PI4KA: variants seen among roughly 807,000 people sequenced by gnomAD.
PI4KA encodes the protein phosphatidylinositol 4-kinase alpha.
PI4KA carries 122 observed loss-of-function variants against 271.4 expected under a neutral mutation model. The observed-to-expected ratio is 0.45, with a 90% CI of 0.39 to 0.52. PI4KA has a LOEUF of 0.52. PI4KA is among the 20% of genes least tolerant of loss of function. The pLI is 0.00. For missense variants in PI4KA, 1,969 were observed against 2,769.1 expected, an observed-to-expected ratio of 0.71 and a Z score of 6.48; for synonymous variants, 1,041 against 1,078.8, an observed-to-expected ratio of 0.96 and a Z score of 0.69.
chr22:20,848,975 C>T (rs1011334053), intron 1 of PI4KA, among the ~76,000 whole-genome samples: 1 of 152,052 alleles, frequency 6.6e-6, no homozygotes, highest in African/African-American at 2.4e-5. Flanking sequence ...AGAACTATTA[C>T]AACTTAATTA....
At chr22:20,854,428 A>AT (rs907320038) in intron 1 of PI4KA, among the ~76,000 whole-genome samples, 106 of 149,010 alleles carry the variant, frequency 7.1e-4, no homozygotes, top group Middle Eastern at 3.5e-3. Context: ...GCCTAAGGTA[A>AT]TTTTTTTTTT....
chr22:20,819,896 G>A lies in PI4KA; in HGVS notation c.534C>T (p.Tyr178=). 1 of 1,613,056 alleles carries A rather than the reference G, an allele frequency of 6.2e-7. No individual in the cohort carries two copies. Among genetic ancestry groups the A allele is most frequent in the Non-Finnish European group, 8.5e-7 (1 of 1,179,110 alleles). Residue 178 remains tyrosine, a synonymous_variant, in exon 6 of 55, where the codon TAC becomes TAT. Transcript: ENST00000255882. ...CQALEIQDKE[Y]LCKYAIPCLI... is the part of the protein sequence containing the mutation. The stretch of plus-strand genomic sequence containing the variant: ...GGCATGGGATAGCATACTTGCAAAG[G>A]TATTCTAGAAGATCAAGTGAAAACG...
At chr22:20,788,420 A>C (rs1934412940) in intron 19 of PI4KA, among the ~76,000 whole-genome samples, 1 of 152,136 alleles carries the variant, frequency 6.6e-6, no homozygotes. Flanking sequence ...GGGTTATCTC[A>C]CAGAGTCTCC....
Position 20,724,468 on chromosome 22 carries a change from C to A in PI4KA, c.4995+2020G>T, listed in dbSNP as rs993522188. ...CTAAAAATACAAAAAATAAGCCGGG[C>A]GTGGTGGCATGCACCTTCAATCCCA... On this transcript the variant is annotated intron_variant, in intron 42 of 54. Transcript: ENST00000255882. Among the ~76,000 whole-genome samples, 3 of 147,918 alleles carry A rather than the reference C, an allele frequency of 2.0e-5. No homozygotes were observed. In the South Asian group the frequency reaches 6.5e-4, roughly 32 times the overall value.
At chr22:20,782,520 A>G (rs1933877507) in intron 19 of PI4KA, among the ~76,000 whole-genome samples, 1 of 152,170 alleles carries the variant, frequency 6.6e-6, no homozygotes, top group Non-Finnish European at 1.5e-5. Flanking sequence ...TTTTGTTCTA[A>G]TTTTAATGTG....
At chr22:20,827,799 C>T (rs979006348) in intron 3 of PI4KA, among the ~76,000 whole-genome samples, 1 of 151,922 alleles carries the variant, frequency 6.6e-6, no homozygotes, top group Admixed American at 6.6e-5. Flanking sequence ...GGTATTTTAT[C>T]TTTTCTTTTT....
At chr22:20,730,758 T>TG (rs2068979689) in intron 36 of PI4KA, among the ~76,000 whole-genome samples, 1 of 150,396 alleles carries the variant, frequency 6.6e-6, no homozygotes, top group South Asian at 2.1e-4. Flanking sequence ...TTAGTAGAGA[T>TG]GGGGTTTCAC....
rs6004389 is a variant in PI4KA, at chr22:20,816,408, C to T, written c.856+2075G>A. Among the ~76,000 whole-genome samples the T allele has an allele frequency of 1.8e-3, 279 of 152,184 alleles. 1 individual carries two copies. Among genetic ancestry groups the T allele is most frequent in the African/African-American group, 5.7e-3 (238 of 41,506 alleles). On this transcript the variant is annotated intron_variant, in intron 7 of 54. Coordinates refer to ENST00000255882, the MANE Select transcript of PI4KA (RefSeq NM_058004.4). ...CCTCCCAAGGTGCTGTGATTACAGG[C>T]GTGAGCCACATCTCCTGGCCTAAAA...
intron 7 of PI4KA, among the ~76,000 whole-genome samples, chr22:20,815,545 G>C (rs1398615107): frequency 6.6e-6 from 1 of 152,174 alleles, no homozygotes; most frequent in Non-Finnish European, 1.5e-5. Flanking sequence ...AAAGAGTTTA[G>C]TTTAGCTCCA....
At chr22:20,789,268 G>T (rs1343303812) in intron 19 of PI4KA, among the ~76,000 whole-genome samples, 2 of 152,210 alleles carry the variant, frequency 1.3e-5, no homozygotes, top group African/African-American at 4.8e-5. Context: ...TACCTTGAGG[G>T]ATTGCTGTGA....
intron 32 of PI4KA, among the ~76,000 whole-genome samples, chr22:20,740,335 C>T (rs1439688130): frequency 3.3e-5 from 5 of 149,806 alleles, no homozygotes; most frequent in Admixed American, 6.7e-5. Flanking sequence ...CAGAGAATGT[C>T]GATGATCTAT....
chr22:20,741,734 C>G (rs1212865425), intron 32 of PI4KA, among the ~76,000 whole-genome samples: 1 of 152,102 alleles, frequency 6.6e-6, no homozygotes, highest in Admixed American at 6.5e-5. Flanking sequence ...TCCCTGCTAC[C>G]CTGACAGTTA....
chr22:20,774,384 T>A (rs1933076220), intron 19 of PI4KA, among the ~76,000 whole-genome samples: 1 of 152,362 alleles, frequency 6.6e-6, no homozygotes, highest in South Asian at 2.1e-4. Flanking sequence ...GTACTTATAT[T>A]AAATTAATCG....
At chr22:20,802,203 T>C in intron 13 of PI4KA, 98 bp from the exon 14 acceptor site, 1 of 1,072,258 alleles carries the variant, frequency 9.3e-7, no homozygotes, top group Non-Finnish European at 1.4e-6. Context: ...TGATCATTTA[T>C]AAAAGCAAAA....
rs186539883 is a variant in PI4KA, at chr22:20,844,958, T to C, written c.157-6227A>G. Among the ~76,000 whole-genome samples, 73 of 152,250 alleles carry C rather than the reference T, an allele frequency of 4.8e-4. 1 individual carries two copies. The highest frequency in any genetic ancestry group is 1.5e-5 in the Non-Finnish European group (1 of 68,006). ...ATTTTACAATAAACTAGCAAGTTGT[T>C]TGTTTTTAGGGGTCTTAGGGGGAGT... On this transcript the variant is annotated intron_variant, in intron 1 of 54. Coordinates refer to ENST00000255882, the MANE Select transcript of PI4KA (RefSeq NM_058004.4).
intron 19 of PI4KA, chr22:20,779,112 A>T: frequency 7.3e-7 from 1 of 1,367,116 alleles, no homozygotes; most frequent in Non-Finnish European, 9.9e-7. Flanking sequence ...TATGAGTCCC[A>T]CATCAAAGGT....
At position 20,796,159 on chromosome 22, in the gene PI4KA, C is replaced by A. The variant is rs754085320; in HGVS notation, c.2264G>T (p.Gly755Val). 1.2e-6 allele frequency: 2 copies of A among 1,613,408 alleles called. No individual in the cohort carries two copies. Among genetic ancestry groups the A allele is most frequent in the Non-Finnish European group, 1.7e-6 (2 of 1,179,422 alleles). ...KRASERASEK[G>V]PALKASSSAG... ...CCTCCTTCCTACCTTTAGGGCAGGGCCCTTCTCGCTTGCCCTCTCGCTGGC... is the reference window on the plus strand; with the variant it reads ...CCTCCTTCCTACCTTTAGGGCAGGGACCTTCTCGCTTGCCCTCTCGCTGGC... The change falls in exon 18 of 55, where the codon GGC becomes GTC. Residue 755 changes from glycine (G) to valine (V), a missense_variant. By Grantham distance (109) the Gly-to-Val change is moderately radical. Coordinates refer to ENST00000255882, the MANE Select transcript of PI4KA (RefSeq NM_058004.4).
At chr22:20,738,086 T>C (rs568660295) in intron 32 of PI4KA, among the ~76,000 whole-genome samples, 1 of 152,240 alleles carries the variant, frequency 6.6e-6, no homozygotes, top group Non-Finnish European at 1.5e-5. Context: ...CTTGTCCTCT[T>C]CTGGGAAGTG....
At chr22:20,714,146 C>G (rs1398527595) in intron 47 of PI4KA, among the ~76,000 whole-genome samples, 1 of 152,130 alleles carries the variant, frequency 6.6e-6, no homozygotes, top group Non-Finnish European at 1.5e-5. Flanking sequence ...GCCTCCAGAA[C>G]TGAGATCGTC....
Sources: allele counts gnomAD v4.1 joint callset (sites outside exome capture counted in the v4.1 genomes callset), GRCh38; gene constraint gnomAD v4.1.1; transcripts MANE v1.5; gene names NCBI Gene and HGNC (gene_info 2026-07-23, HGNC 2026-07-21).